RBFOX3: variants seen among roughly 807,000 people sequenced by gnomAD.
RBFOX3 encodes RNA binding fox-1 homolog 3.
RBFOX3 carries 17 observed loss-of-function variants against 48.7 expected under a neutral mutation model. That is an observed-to-expected ratio of 0.35 (90% CI 0.24 to 0.52). The LOEUF (loss-of-function observed/expected upper bound fraction) is 0.52, where lower values mean the gene tolerates loss of function less well. Ranked by LOEUF, RBFOX3 falls within the 20% of genes least tolerant of loss-of-function variation. The pLI is 0.94. For missense variants in RBFOX3, 382 were observed against 497.5 expected, an observed-to-expected ratio of 0.77 and a Z score of 2.21; for synonymous variants, 212 against 209.5, an observed-to-expected ratio of 1.01 and a Z score of -0.10.
chr17:79,100,379 CA>C (rs1371162137), intron 9 of RBFOX3: 1 of 152,192 alleles, frequency 6.6e-6, no homozygotes, highest in Non-Finnish European at 1.5e-5. Flanking sequence ...GGAACACTCC[CA>C]AATTTTTAAA....
chr17:79,362,572 T>C lies in RBFOX3; in HGVS notation c.-174-54748A>G, dbSNP rs1310365758. The stretch of plus-strand genomic sequence containing the variant: ...CTTGGGATGGAGATGGGAGCCTTTA[T>C]GTCCCGCGTGTGAGGGGCCCAGAGG... On this transcript the variant is annotated intron_variant, in intron 2 of 14. Coordinates refer to ENST00000693108, the MANE Select transcript of RBFOX3 (RefSeq NM_001350451.2). This position sits in a 1 kb window ranked among gnomAD's most constrained non-coding sequence, Gnocchi z 4.2. Among the ~76,000 whole-genome samples the C allele has an allele frequency of 6.6e-6, 1 of 152,196 alleles. No individual in the cohort carries two copies. Among genetic ancestry groups the C allele is most frequent in the African/African-American group, 2.4e-5 (1 of 41,464 alleles).
chr17:79,593,449 CCTT>C (rs1216653760), intron 1 of RBFOX3, among the ~76,000 whole-genome samples: 2 of 152,122 alleles, frequency 1.3e-5, no homozygotes, highest in African/African-American at 4.8e-5. Context: ...TAAGCCTCCT[CCTT>C]ATTACAGAAC....
intron 4 of RBFOX3, among the ~76,000 whole-genome samples, chr17:79,176,774 G>A (rs1194095479): frequency 6.6e-6 from 1 of 152,138 alleles, no homozygotes; most frequent in African/African-American, 2.4e-5. Context: ...AATGACCGTG[G>A]CAGAGAGAAT....
At position 79,316,457 on chromosome 17, in the gene RBFOX3, T is replaced by C. The variant is rs115628331; in HGVS notation, c.-174-8633A>G. Among the ~76,000 whole-genome samples the C allele has an allele frequency of 2.0e-3, 309 of 152,300 alleles. 1 individual carries two copies. Among genetic ancestry groups the C allele is most frequent in the African/African-American group, 7.2e-3 (298 of 41,566 alleles). ...TTGGGCAGGGGCGATGGCTCCCACC[T>C]CTGCTCCCAGCCAGGGACTGTTACT... On this transcript the variant is annotated intron_variant, in intron 2 of 14. Transcript: ENST00000693108.
intron 1 of RBFOX3, among the ~76,000 whole-genome samples, chr17:79,511,871 G>C (rs1387157344): frequency 2.2e-4 from 18 of 83,716 alleles, no homozygotes; most frequent in Admixed American, 9.6e-4. Context: ...GGACACACGT[G>C]CAGATACATA....
intron 1 of RBFOX3, among the ~76,000 whole-genome samples, chr17:79,509,373 A>C (rs2083729350): frequency 6.6e-6 from 1 of 152,020 alleles, no homozygotes; most frequent in Admixed American, 6.6e-5. Flanking sequence ...CCAGCCCCAG[A>C]GCACATAGCT....
chr17:79,265,037 C>T (rs1188337530), intron 3 of RBFOX3, among the ~76,000 whole-genome samples: 1 of 152,092 alleles, frequency 6.6e-6, no homozygotes, highest in Non-Finnish European at 1.5e-5. Flanking sequence ...GCCCATGCAG[C>T]TCTGTTCCAA....
At position 79,089,584 on chromosome 17, in the gene RBFOX3, C is replaced by T. The variant is rs140656927; in HGVS notation, c.*1299G>A. The T allele has an allele frequency of 7.9e-5, 12 of 152,592 alleles. No homozygotes were observed. The East Asian group carries it at 1.2e-3, about 15-fold the overall frequency. 9.5% of individuals were successfully genotyped at this position (152,592 alleles called of 1,614,324 possible). On this transcript the variant is annotated 3_prime_UTR_variant, in exon 15 of 15. Transcript: ENST00000693108. ...AGGCAGGGCGTGGGGCTATGTACAACGGGAATAGAAAAGGAGAATTCCATT... is the reference window on the plus strand; with the variant it reads ...AGGCAGGGCGTGGGGCTATGTACAATGGGAATAGAAAAGGAGAATTCCATT...
At chr17:79,302,039 T>A (rs2075390982) in intron 3 of RBFOX3, among the ~76,000 whole-genome samples, 1 of 152,006 alleles carries the variant, frequency 6.6e-6, no homozygotes, top group South Asian at 2.1e-4. Flanking sequence ...AGACAGAGGG[T>A]GGTGATGTTT....
At chr17:79,577,307 G>A (rs1019749740) in intron 1 of RBFOX3, among the ~76,000 whole-genome samples, 118 of 152,274 alleles carry the variant, frequency 7.7e-4, no homozygotes, top group African/African-American at 2.6e-3. Flanking sequence ...GATCACTGAG[G>A]GAGTCAGGCA....
intron 2 of RBFOX3, among the ~76,000 whole-genome samples, chr17:79,334,670 C>T (rs1316307750): frequency 1.3e-5 from 2 of 152,366 alleles, no homozygotes; most frequent in South Asian, 4.1e-4. Context: ...CCTAGGTCTG[C>T]AGGCCCAAGA....
At chr17:79,645,550 C>T in the RBFOX3 span, among the ~76,000 whole-genome samples, 1 of 152,226 alleles carries the variant, frequency 6.6e-6, no homozygotes, top group South Asian at 2.1e-4. Flanking sequence ...GCTGCCCCTT[C>T]TCTCCATCCC....
At chr17:79,537,128 A>C (rs1320636841) in intron 1 of RBFOX3, among the ~76,000 whole-genome samples, 3 of 151,874 alleles carry the variant, frequency 2.0e-5, no homozygotes, top group Middle Eastern at 3.2e-3. Context: ...AAAAAAAAAA[A>C]AAACCAAAAA....
the RBFOX3 span, among the ~76,000 whole-genome samples, chr17:79,665,245 C>T: frequency 5.3e-5 from 8 of 152,194 alleles, no homozygotes; most frequent in Admixed American, 2.0e-4. Context: ...CCTTTTACAT[C>T]CCCTTTTTAT....
chr17:79,344,663 T>C (rs113620532), intron 2 of RBFOX3, among the ~76,000 whole-genome samples: 73 of 152,280 alleles, frequency 4.8e-4, no homozygotes, highest in African/African-American at 1.7e-3. Context: ...CAAGCGATTC[T>C]TGTGCCTCAG....
chr17:79,629,550 G>A, the RBFOX3 span, among the ~76,000 whole-genome samples: 3 of 152,190 alleles, frequency 2.0e-5, no homozygotes, highest in African/African-American at 7.2e-5. Flanking sequence ...GGGATTCGGA[G>A]TCAGTGTAAT....
chr17:79,453,013 G>A (rs12450239), intron 2 of RBFOX3, among the ~76,000 whole-genome samples: 36,296 of 152,172 alleles, frequency 0.24, 4,423 homozygotes, highest in Admixed American at 0.3. Context: ...TCCAGGTCTC[G>A]GTTTACCCAT....
At chr17:79,458,271 T>G (rs749157965) in intron 2 of RBFOX3, among the ~76,000 whole-genome samples, 2 of 152,196 alleles carry the variant, frequency 1.3e-5, no homozygotes, top group Non-Finnish European at 2.9e-5. Context: ...TGTTTTTTGT[T>G]GGGAAATAAT....
intron 12 of RBFOX3, among the ~76,000 whole-genome samples, chr17:79,095,834 A>G (rs1036349892): frequency 6.6e-6 from 1 of 152,220 alleles, no homozygotes; most frequent in African/African-American, 2.4e-5. Context: ...TGTCCACTCC[A>G]TTCATTCACT....
Sources: allele counts gnomAD v4.1 joint callset (sites outside exome capture counted in the v4.1 genomes callset), GRCh38; gene constraint gnomAD v4.1.1; non-coding constraint Gnocchi (gnomAD v3.1); transcripts MANE v1.5; gene names NCBI Gene and HGNC (gene_info 2026-07-23, HGNC 2026-07-21).